The following ZFP64 variants were observed in gnomAD, a reference collection of about 807,000 sequenced individuals.
ZFP64 encodes ZFP64 zinc finger protein.
A neutral mutation model predicts 51.6 loss-of-function variants in ZFP64; 14 were observed. The ratio of observed to expected loss-of-function variants is 0.27; its 90% CI spans 0.18 to 0.42. The LOEUF is 0.42. ZFP64 is among the 10% of genes least tolerant of loss of function. The pLI is 1.00. For synonymous variants in ZFP64, 375 were observed against 361.4 expected (o/e 1.04, Z -0.43); for missense variants, 754 against 906.8 (o/e 0.83, Z 2.16).
intron 2 of ZFP64, among the ~76,000 whole-genome samples, chr20:52,174,259 G>C (rs533788420): frequency 6.6e-6 from 1 of 150,808 alleles, no homozygotes; most frequent in East Asian, 1.9e-4. Context: ...GCTGAGGCAG[G>C]CGGATCACCT....
intron 5 of ZFP64, among the ~76,000 whole-genome samples, chr20:52,119,815 GA>G (rs1297103145): frequency 1.3e-5 from 2 of 152,036 alleles, no homozygotes; most frequent in Non-Finnish European, 2.9e-5. Context: ...GCACTTTTGA[GA>G]AACCTTAGTC....
intron 2 of ZFP64, among the ~76,000 whole-genome samples, chr20:52,182,159 G>A (rs1983659649): frequency 6.6e-6 from 1 of 152,202 alleles, no homozygotes; most frequent in African/African-American, 2.4e-5. Flanking sequence ...TTTTACAGAT[G>A]GGGACTGTTT....
At chr20:52,144,490 G>A (rs1980414870) in intron 5 of ZFP64, among the ~76,000 whole-genome samples, 2 of 146,888 alleles carry the variant, frequency 1.4e-5, no homozygotes, top group African/African-American at 5.0e-5. Flanking sequence ...TGAGGCAGGA[G>A]AATCGCTTGA....
At chr20:52,161,044 C>G (rs1482280297) in intron 4 of ZFP64, among the ~76,000 whole-genome samples, 1 of 152,114 alleles carries the variant, frequency 6.6e-6, no homozygotes, top group Non-Finnish European at 1.5e-5. Flanking sequence ...GGCATACCTG[C>G]AGATGGTGGA....
At chr20:52,137,751 C>T (rs893114783) in intron 5 of ZFP64, among the ~76,000 whole-genome samples, 27 of 152,080 alleles carry the variant, frequency 1.8e-4, no homozygotes, top group African/African-American at 5.1e-4. Flanking sequence ...TTGAGGATGG[C>T]GGCTGTAGAA....
intron 2 of ZFP64, among the ~76,000 whole-genome samples, chr20:52,185,086 C>T (rs1600820919): frequency 1.3e-5 from 2 of 152,282 alleles, no homozygotes; most frequent in East Asian, 1.9e-4. Flanking sequence ...TGCAGTGGCA[C>T]GATCTCAGCT....
chr20:52,183,163 C>T (rs1983730607), intron 2 of ZFP64, among the ~76,000 whole-genome samples: 1 of 152,020 alleles, frequency 6.6e-6, no homozygotes. Flanking sequence ...GGGGATTGTC[C>T]CCAGGAAGAA....
chr20:52,101,309 T>G (rs1354335918), intron 5 of ZFP64, among the ~76,000 whole-genome samples: 1 of 152,152 alleles, frequency 6.6e-6, no homozygotes, highest in African/African-American at 2.4e-5. Context: ...CTATACTCAC[T>G]GAAAACTTAG....
chr20:52,183,207 C>T (rs774155103), intron 2 of ZFP64, among the ~76,000 whole-genome samples: 2 of 152,124 alleles, frequency 1.3e-5, no homozygotes, highest in Admixed American at 6.5e-5. Context: ...TGTCATGAAA[C>T]TTAAGGCCTT....
chr20:52,127,919 A>G (rs552040770), intron 5 of ZFP64, among the ~76,000 whole-genome samples: 2 of 152,230 alleles, frequency 1.3e-5, no homozygotes, highest in Admixed American at 1.3e-4. Context: ...CTATACAACG[A>G]CCTCAAAATC....
At chr20:52,156,581 G>A (rs767752813) in intron 5 of ZFP64, among the ~76,000 whole-genome samples, 1 of 152,182 alleles carries the variant, frequency 6.6e-6, no homozygotes, top group Admixed American at 6.5e-5. Flanking sequence ...GCTGATCCCC[G>A]CATGGGAACC....
intron 5 of ZFP64, among the ~76,000 whole-genome samples, chr20:52,103,350 G>A (rs1451200802): frequency 1.3e-5 from 2 of 152,118 alleles, no homozygotes; most frequent in Non-Finnish European, 2.9e-5. Context: ...CCCAACCTTC[G>A]TAAAAAATGT....
intron 5 of ZFP64, among the ~76,000 whole-genome samples, chr20:52,122,697 C>T (rs936603397): frequency 1.4e-4 from 21 of 151,982 alleles, no homozygotes; most frequent in African/African-American, 5.1e-4. Context: ...GAAGTTGATT[C>T]CAAATGTCAT....
Position 52,160,068 on chromosome 20 carries a change from G to A in ZFP64, c.763+55C>T. 6.2e-7 allele frequency: 1 copy of A among 1,612,128 alleles called. No homozygotes were observed. The highest frequency in any genetic ancestry group is 8.5e-7 in the Non-Finnish European group (1 of 1,179,274). On this transcript the variant is annotated intron_variant, in intron 5 of 5. Transcript: ENST00000216923. The surrounding 1 kb of genome is among the most constrained non-coding windows in gnomAD (Gnocchi z 4.2). ...TGGCTGAATGCTTTAAGGTGCTTAT[G>A]ATTTATGCCATAGAAAGTGAGGAGC... is the stretch of plus-strand genomic sequence containing the variant.
Position 52,160,486 on chromosome 20 carries a change from C to T in ZFP64, c.512-112G>A, listed in dbSNP as rs768897525. 1.6e-5 allele frequency: 22 copies of T among 1,418,006 alleles called. No homozygotes were observed. The highest frequency in any genetic ancestry group is 1.9e-5 in the Non-Finnish European group (20 of 1,064,962). 87.8% of individuals were successfully genotyped at this position (1,418,006 alleles called of 1,614,324 possible). ...CATATACAACCACCGAAGAATATTC[C>T]AAAAACCCTAAAACACTGGGTGGAT... On this transcript the variant is annotated intron_variant, in intron 4 of 5. Coordinates refer to ENST00000216923, the MANE Select transcript of ZFP64 (RefSeq NM_018197.3). The surrounding 1 kb of genome is among the most constrained non-coding windows in gnomAD (Gnocchi z 4.2).
At chr20:52,148,706 GAAAA>G (rs11297522), downstream of ZFP64, among the ~76,000 whole-genome samples, 5 of 121,978 alleles carry the variant, frequency 4.1e-5, no homozygotes, top group Admixed American at 3.2e-4. Context: ...CTCAAAACAA[GAAAA>G]AAAAAAAAAA....
chr20:52,090,365 A>T (rs1016259165), intron 7 of ZFP64, among the ~76,000 whole-genome samples: 21 of 152,346 alleles, frequency 1.4e-4, no homozygotes, highest in South Asian at 8.3e-4. Flanking sequence ...AAGATAGTTG[A>T]TATATGACTT....
intron 5 of ZFP64, among the ~76,000 whole-genome samples, chr20:52,126,667 A>C (rs1979460132): frequency 6.6e-6 from 1 of 152,196 alleles, no homozygotes; most frequent in Non-Finnish European, 1.5e-5. Flanking sequence ...CTGGAGATAC[A>C]TGGTAACTTA....
At chr20:52,105,130 A>G (rs1978301455) in intron 5 of ZFP64, 1 of 1,415,348 alleles carries the variant, frequency 7.1e-7, no homozygotes, top group Non-Finnish European at 9.1e-7. Context: ...GGCGCTACTC[A>G]CCCGGCTCCC....
Sources: gnomAD v4.1 joint callset for allele counts (sites outside exome capture counted in the v4.1 genomes callset) on GRCh38, gnomAD v4.1.1 for gene constraint, Gnocchi (gnomAD v3.1) non-coding constraint, MANE v1.5 for transcripts, NCBI Gene and HGNC (gene_info 2026-07-23, HGNC 2026-07-21) for gene names.